Variants in FRMD6 observed in about 807,000 individuals in gnomAD.
FRMD6 encodes FERM domain-containing protein 6.
In FRMD6, 37 loss-of-function variants were observed where a neutral mutation model predicts 73.2. That is an observed-to-expected ratio of 0.51 (90% CI 0.39 to 0.66). FRMD6 has a LOEUF of 0.66. Among genes scored for constraint, FRMD6 ranks in the 30% least tolerant of loss-of-function variants. The pLI is 0.00. For synonymous variants in FRMD6, 273 were observed against 282.2 expected (o/e 0.97, Z 0.33); for missense variants, 714 against 780.5 (o/e 0.91, Z 1.02).
At chr14:51,726,693 C>T (rs1424650736) in intron 13 of FRMD6, among the ~76,000 whole-genome samples, 2 of 152,190 alleles carry the variant, frequency 1.3e-5, no homozygotes, top group South Asian at 4.1e-4. Flanking sequence ...TCAGATTCCA[C>T]ACCTACACTA....
chr14:51,437,133 C>CCGGGCCCCCACCCCCCGA, the FRMD6 span, among the ~76,000 whole-genome samples: 1 of 152,192 alleles, frequency 6.6e-6, no homozygotes, highest in African/African-American at 2.4e-5. Flanking sequence ...TATCCCTCCC[C>CCGGGCCCCCACCCCCCGA]CGGGCCCCCA....
chr14:51,414,293 C>T, the FRMD6 span, among the ~76,000 whole-genome samples: 15 of 152,190 alleles, frequency 9.9e-5, no homozygotes, highest in African/African-American at 3.4e-4. Context: ...TTAGGTCTAA[C>T]ATTTAAGTCT....
intron 1 of FRMD6, among the ~76,000 whole-genome samples, chr14:51,653,046 C>G (rs956640702): frequency 5.9e-5 from 9 of 152,128 alleles, no homozygotes; most frequent in African/African-American, 2.2e-4. Flanking sequence ...TTTTTTTACG[C>G]AAAATCTGTT....
In FRMD6 at chr14:51,516,261, C is replaced by G. The variant is rs183336090; in HGVS notation, c.-210+26841C>G. On this transcript the variant is annotated intron_variant, in intron 1 of 14. Coordinates refer to the FRMD6 transcript ENST00000356218. Reference sequence around the variant, plus strand: ...TGTGTTCCACCTGAGTTGATAAATTCTCCATTTACAGGGACTGGTTTTTAG... The same window carrying G: ...TGTGTTCCACCTGAGTTGATAAATTGTCCATTTACAGGGACTGGTTTTTAG... Among the ~76,000 whole-genome samples, 442 of 152,284 alleles carry G rather than the reference C, an allele frequency of 2.9e-3. 4 individuals carry two copies. Among genetic ancestry groups the G allele is most frequent in the African/African-American group, 9.2e-3 (384 of 41,552 alleles).
At chr14:51,424,761 T>C in the FRMD6 span, among the ~76,000 whole-genome samples, 1 of 152,230 alleles carries the variant, frequency 6.6e-6, no homozygotes, top group African/African-American at 2.4e-5. Context: ...GTATGGCTAT[T>C]TAGCAACAAT....
rs878597 is a variant in FRMD6 at position 51,528,137 on chromosome 14, G to C, written c.-210+38717G>C. ...AGCCGGGGTGACAGAGCAAGACGCT[G>C]TCTCAAAAAAACAACAAACAAACAA... On this transcript the variant is annotated intron_variant, in intron 1 of 14. Coordinates refer to the FRMD6 transcript ENST00000356218. Among the ~76,000 whole-genome samples the C allele has an allele frequency of 3.3e-3, 509 of 152,192 alleles. 12 individuals are homozygous for C. The East Asian group carries it at 0.064, about 19-fold the overall frequency.
At chr14:51,649,825 C>A (rs1384159038), upstream of FRMD6, 1 of 152,114 alleles carries the variant, frequency 6.6e-6, no homozygotes, top group Non-Finnish European at 1.5e-5. Context: ...GTGGTGTAAT[C>A]ATAATTCACT....
the FRMD6 span, among the ~76,000 whole-genome samples, chr14:51,445,425 T>C: frequency 6.6e-6 from 1 of 152,056 alleles, no homozygotes; most frequent in African/African-American, 2.4e-5. Context: ...CCAGGTTTCC[T>C]AGTCCATGAG....
At chr14:51,430,895 G>GTGGCTC in the FRMD6 span, among the ~76,000 whole-genome samples, 1 of 152,198 alleles carries the variant, frequency 6.6e-6, no homozygotes, top group Non-Finnish European at 1.5e-5. Flanking sequence ...AATCTGTGGT[G>GTGGCTC]TGGCTCTGAA....
chr14:51,684,651 A>G (rs1041833290), intron 1 of FRMD6, among the ~76,000 whole-genome samples: 2 of 152,116 alleles, frequency 1.3e-5, no homozygotes, highest in Non-Finnish European at 2.9e-5. Context: ...AACTGATGGG[A>G]GAGGGGCTCC....
intron 1 of FRMD6, among the ~76,000 whole-genome samples, chr14:51,538,225 T>C (rs1438045803): frequency 6.6e-6 from 1 of 152,190 alleles, no homozygotes; most frequent in Non-Finnish European, 1.5e-5. Flanking sequence ...TTGTATGTGT[T>C]AACTCTGTAC....
At chr14:51,676,127 A>C (rs1894371633) in intron 1 of FRMD6, among the ~76,000 whole-genome samples, 1 of 152,036 alleles carries the variant, frequency 6.6e-6, no homozygotes, top group Non-Finnish European at 1.5e-5. Context: ...AGGAAGAAAA[A>C]TCCCATTAAG....
At chr14:51,496,854 T>A (rs1009244355) in intron 1 of FRMD6, among the ~76,000 whole-genome samples, 17 of 152,346 alleles carry the variant, frequency 1.1e-4, no homozygotes, top group African/African-American at 4.1e-4. Context: ...TGTGTCTGGT[T>A]TGAAGTCCAT....
chr14:51,555,670 C>T (rs182173128), intron 1 of FRMD6, among the ~76,000 whole-genome samples: 1 of 152,042 alleles, frequency 6.6e-6, no homozygotes, highest in East Asian at 1.9e-4. Context: ...AGCATGGTGG[C>T]ATATGTCTGT....
the FRMD6 span, among the ~76,000 whole-genome samples, chr14:51,440,523 A>C: frequency 3.9e-5 from 6 of 152,222 alleles, no homozygotes; most frequent in Non-Finnish European, 8.8e-5. Flanking sequence ...TCCTAACTGC[A>C]CACGTTTAGC....
At chr14:51,460,489 A>G in the FRMD6 span, among the ~76,000 whole-genome samples, 4 of 152,220 alleles carry the variant, frequency 2.6e-5, no homozygotes, top group Non-Finnish European at 4.4e-5. Context: ...CCCTCTGTGC[A>G]TAAGTAATGT....
chr14:51,440,330 G>C, the FRMD6 span, among the ~76,000 whole-genome samples: 1 of 152,166 alleles, frequency 6.6e-6, no homozygotes, highest in Non-Finnish European at 1.5e-5. Flanking sequence ...AAATGTTGGT[G>C]CTTACACATT....
At chr14:51,456,294 C>G in the FRMD6 span, among the ~76,000 whole-genome samples, 2 of 152,132 alleles carry the variant, frequency 1.3e-5, no homozygotes, top group African/African-American at 4.8e-5. Context: ...AATGCCATCC[C>G]TCCCCTAGCC....
the FRMD6 span, among the ~76,000 whole-genome samples, chr14:51,397,496 TG>T: frequency 1.3e-5 from 2 of 152,236 alleles, no homozygotes; most frequent in Non-Finnish European, 2.9e-5. Flanking sequence ...AGTATATGTG[TG>T]TGTGAGTAGC....
Sources: allele counts gnomAD v4.1 joint callset (sites outside exome capture counted in the v4.1 genomes callset), GRCh38; gene constraint gnomAD v4.1.1; transcripts MANE v1.5; gene names NCBI Gene and HGNC (gene_info 2026-07-23, HGNC 2026-07-21).